GTF2E2: variants seen among roughly 807,000 people sequenced by gnomAD.
The protein encoded by GTF2E2 is general transcription factor IIE subunit 2.
Under a neutral mutation model 40.5 loss-of-function variants are expected in GTF2E2, and 21 were observed. The observed-to-expected ratio is 0.52, with a 90% confidence interval of 0.37 to 0.75. GTF2E2 has a LOEUF of 0.75. GTF2E2 is among the 30% of genes least tolerant of loss of function. GTF2E2 has a pLI of 0.00. For missense variants in GTF2E2, 298 were observed against 338.4 expected (o/e 0.88, Z 0.94); for synonymous variants, 117 against 121.6 (o/e 0.96, Z 0.25).
chr8:30,627,321 G>T (rs533879189), intron 3 of GTF2E2, among the ~76,000 whole-genome samples: 1 of 151,958 alleles, frequency 6.6e-6, no homozygotes, highest in African/African-American at 2.4e-5. Flanking sequence ...TAAACAAAGG[G>T]CATGACATTT....
chr8:30,607,202 C>CAAA, intron 5 of GTF2E2, 52 bp from the exon 6 acceptor site: 28 of 483,058 alleles, frequency 5.8e-5, no homozygotes, highest in South Asian at 2.7e-4. Flanking sequence ...ATTACCTCAC[C>CAAA]AAAAAAAAAA....
chr8:30,587,884 A>AC (rs886324548), intron 6 of GTF2E2, among the ~76,000 whole-genome samples: 9 of 151,268 alleles, frequency 5.9e-5, no homozygotes, highest in African/African-American at 1.7e-4. Context: ...AAAAAAAAAA[A>AC]AAAAAAAAAC....
At chr8:30,591,017 A>C (rs1353703619) in intron 6 of GTF2E2, among the ~76,000 whole-genome samples, 1 of 152,156 alleles carries the variant, frequency 6.6e-6, no homozygotes, top group Non-Finnish European at 1.5e-5. Context: ...TATACCTCAT[A>C]AGACACCATC....
chr8:30,633,241 T>C (rs1426097257), intron 3 of GTF2E2, among the ~76,000 whole-genome samples: 4 of 152,160 alleles, frequency 2.6e-5, no homozygotes, highest in Non-Finnish European at 5.9e-5. Flanking sequence ...AATAAATGAT[T>C]TGAAAGATAA....
chr8:30,613,379 ATAAT>A (rs1396664881), intron 4 of GTF2E2, among the ~76,000 whole-genome samples: 7 of 152,228 alleles, frequency 4.6e-5, no homozygotes, highest in Non-Finnish European at 1.0e-4. Flanking sequence ...ATTACTGAAT[ATAAT>A]TATGTTTCTA....
chr8:30,613,853 C>T (rs1405533877), intron 4 of GTF2E2, among the ~76,000 whole-genome samples: 18 of 152,178 alleles, frequency 1.2e-4, no homozygotes, highest in Admixed American at 1.1e-3. Flanking sequence ...AAATGCTATT[C>T]ATTTCCAAAT....
chr8:30,657,639 G>C (rs1329492200), intron 1 of GTF2E2: 8 of 152,196 alleles, frequency 5.3e-5, no homozygotes, highest in African/African-American at 1.9e-4. Context: ...TCACAGTCTT[G>C]AGCTGGCTGG....
intron 6 of GTF2E2, among the ~76,000 whole-genome samples, chr8:30,600,345 C>T (rs1050501311): frequency 1.3e-5 from 2 of 152,158 alleles, no homozygotes; most frequent in African/African-American, 4.8e-5. Flanking sequence ...ACCATGGGTA[C>T]TATTTTATTT....
intron 3 of GTF2E2, among the ~76,000 whole-genome samples, chr8:30,617,723 G>A (rs1800961068): frequency 1.3e-5 from 2 of 150,300 alleles, no homozygotes; most frequent in Non-Finnish European, 2.9e-5. Flanking sequence ...ACTCCATCCA[G>A]CCTGGGTGAC....
chr8:30,635,483 G>A (rs1381752241), intron 2 of GTF2E2, among the ~76,000 whole-genome samples: 1 of 152,006 alleles, frequency 6.6e-6, no homozygotes, highest in African/African-American at 2.4e-5. Flanking sequence ...CCCAGGCTCA[G>A]GTGATTCTCC....
At chr8:30,602,121 G>C (rs555876734) in intron 6 of GTF2E2, among the ~76,000 whole-genome samples, 1 of 151,712 alleles carries the variant, frequency 6.6e-6, no homozygotes, top group African/African-American at 2.4e-5. Flanking sequence ...AGGTTCATGC[G>C]ATTCTTGTGT....
chr8:30,633,381 T>C (rs927569284), intron 3 of GTF2E2, among the ~76,000 whole-genome samples: 2 of 152,202 alleles, frequency 1.3e-5, no homozygotes, highest in African/African-American at 4.8e-5. Context: ...GACATTTAGA[T>C]TCCATTAGAT....
chr8:30,631,481 T>C (rs923727930), intron 3 of GTF2E2, among the ~76,000 whole-genome samples: 8 of 152,212 alleles, frequency 5.3e-5, no homozygotes, highest in Non-Finnish European at 1.0e-4. Context: ...AATTGTGCTA[T>C]ATAAAAGCTG....
Position 30,611,152 on chromosome 8 carries a change from T to C in GTF2E2, c.549+1147A>G, listed in dbSNP as rs534468840. Among the ~76,000 whole-genome samples the C allele has an allele frequency of 2.4e-4, 37 of 152,328 alleles. 1 individual carries two copies. Among genetic ancestry groups the C allele is most frequent in the South Asian group, 8.3e-4 (4 of 4,826 alleles). Reference sequence around the variant, plus strand: ...AGAAGAACAGAAGAGACATATCATATGCTACCTGCTGTAGGGCAGACAAGG... The same window carrying C: ...AGAAGAACAGAAGAGACATATCATACGCTACCTGCTGTAGGGCAGACAAGG... On this transcript the variant is annotated intron_variant, in intron 5 of 7. Transcript: ENST00000355904.
chr8:30,635,293 T>C (rs889748886), intron 2 of GTF2E2, among the ~76,000 whole-genome samples, 170 bp from the exon 3 acceptor site: 1 of 152,174 alleles, frequency 6.6e-6, no homozygotes, highest in African/African-American at 2.4e-5. Flanking sequence ...TACATTAAAG[T>C]ACCAATTTTC....
intron 3 of GTF2E2, among the ~76,000 whole-genome samples, chr8:30,634,385 C>CTGCA: frequency 6.6e-6 from 1 of 151,900 alleles, no homozygotes; most frequent in East Asian, 1.9e-4. Flanking sequence ...GAGTTCAAGG[C>CTGCA]TGCAGTGAGC....
Position 30,624,048 on chromosome 8 carries a change from G to A in GTF2E2, c.259-9333C>T, listed in dbSNP as rs1021791430. ...CCATTTGTCTATTTTGGCTTTCGTT[G>A]CCATTGCTTTTGGTGTTTTAGACAT... On this transcript the variant is annotated intron_variant, in intron 3 of 7. Transcript: ENST00000355904. Among the ~76,000 whole-genome samples the A allele has an allele frequency of 1.6e-4, 25 of 152,222 alleles. 1 individual carries two copies. Among genetic ancestry groups the A allele is most frequent in the African/African-American group, 5.8e-4 (24 of 41,480 alleles).
rs746606291 is a variant in GTF2E2 at position 30,645,577 on chromosome 8, C to A, written c.166+7856G>T. ...AAGTATGATGGACAACATCAGAAAACGTGAAACTGAAGTGGTCTAACACTC... is the reference window on the plus strand; with the variant it reads ...AAGTATGATGGACAACATCAGAAAAAGTGAAACTGAAGTGGTCTAACACTC... On this transcript the variant is annotated intron_variant, in intron 2 of 7. Transcript: ENST00000355904. 3 of 1,535,462 alleles carry A rather than the reference C, an allele frequency of 2.0e-6. No homozygotes were observed. The South Asian group carries it at 3.6e-5, about 18-fold the overall frequency.
intron 3 of GTF2E2, among the ~76,000 whole-genome samples, chr8:30,629,565 T>G (rs1343255676): frequency 6.6e-6 from 1 of 151,784 alleles, no homozygotes; most frequent in African/African-American, 2.4e-5. Context: ...GGCAGGCGCC[T>G]GTAGTCCCAG....
Sources: allele counts gnomAD v4.1 joint callset (sites outside exome capture counted in the v4.1 genomes callset), GRCh38; gene constraint gnomAD v4.1.1; transcripts MANE v1.5; gene names NCBI Gene and HGNC (gene_info 2026-07-23, HGNC 2026-07-21).